SGCD: variants seen among roughly 807,000 people sequenced by gnomAD.
The protein encoded by SGCD is sarcoglycan delta.
In SGCD, 18 loss-of-function variants were observed where a neutral mutation model predicts 36.6. That is an observed-to-expected ratio of 0.49 (90% CI 0.34 to 0.73). SGCD has a LOEUF of 0.73. Ranked by LOEUF, SGCD falls within the 30% of genes least tolerant of loss-of-function variation. The pLI is 0.01. For missense variants in SGCD, 387 were observed against 346.7 expected, an observed-to-expected ratio of 1.12 and a Z score of -0.92; for synonymous variants, 133 against 130.6, an observed-to-expected ratio of 1.02 and a Z score of -0.12.
chr5:156,307,621 A>AT (rs35861842), intron 3 of SGCD, among the ~76,000 whole-genome samples: 13 of 51,104 alleles, frequency 2.5e-4, no homozygotes, highest in Non-Finnish European at 3.2e-4. Flanking sequence ...TGTTTAACTG[A>AT]TTTTTTAAAA....
the SGCD span, among the ~76,000 whole-genome samples, chr5:155,738,643 T>A: frequency 3.3e-5 from 5 of 151,258 alleles, no homozygotes; most frequent in African/African-American, 4.9e-5. Context: ...TCTGTGAGAG[T>A]GTGTGTGTGT....
rs534170763 is a variant in SGCD, at chr5:156,355,387, T to A, written c.192+10710T>A. ...ATTAACAGCCAAGATAACTACTATG[T>A]TTTTTAATCAGCTTTGTACCTTTTC... On this transcript the variant is annotated intron_variant, in intron 3 of 8. Coordinates refer to ENST00000337851, the MANE Select transcript of SGCD (RefSeq NM_000337.6). 3.9e-4 allele frequency among the ~76,000 whole-genome samples: 59 copies of A among 152,284 alleles called. 1 individual carries two copies. Among genetic ancestry groups the A allele is most frequent in the African/African-American group, 1.4e-3 (57 of 41,538 alleles).
At chr5:156,039,439 T>C (rs928757062) in intron 1 of SGCD, among the ~76,000 whole-genome samples, 3 of 147,842 alleles carry the variant, frequency 2.0e-5, no homozygotes, top group Non-Finnish European at 4.4e-5. Context: ...GCAAGCTCCT[T>C]GGGAGGTTTT....
chr5:156,461,992 T>A (rs758309176), intron 3 of SGCD, among the ~76,000 whole-genome samples: 2 of 152,186 alleles, frequency 1.3e-5, no homozygotes, highest in Non-Finnish European at 2.9e-5. Flanking sequence ...GGAAGAAGTA[T>A]GAGTGAAGGA....
chr5:155,773,153 G>T, the SGCD span, among the ~76,000 whole-genome samples: 1 of 152,070 alleles, frequency 6.6e-6, no homozygotes, highest in Non-Finnish European at 1.5e-5. Flanking sequence ...CCCTACCCTT[G>T]CTCACCTCTC....
chr5:156,736,323 A>G (rs924321827), intron 7 of SGCD, among the ~76,000 whole-genome samples: 1 of 152,228 alleles, frequency 6.6e-6, no homozygotes, highest in Non-Finnish European at 1.5e-5. Flanking sequence ...AGAAAGCCAT[A>G]GGATAAACTT....
intron 1 of SGCD, among the ~76,000 whole-genome samples, chr5:156,028,015 A>G (rs1759262991): frequency 6.6e-6 from 1 of 152,214 alleles, no homozygotes; most frequent in Non-Finnish European, 1.5e-5. Context: ...TGTGAATCCC[A>G]TTCCTAAAGG....
chr5:156,421,724 T>G (rs192302440), intron 3 of SGCD, among the ~76,000 whole-genome samples: 4 of 152,168 alleles, frequency 2.6e-5, no homozygotes, highest in African/African-American at 9.6e-5. Flanking sequence ...AAGCTCTCTG[T>G]TGGGGTCCAT....
rs1554119840 is a variant in SGCD, at chr5:156,102,815, TG to T, written c.-281-15062del. On this transcript the variant is annotated intron_variant, in intron 1 of 9. Coordinates refer to the SGCD transcript ENST00000517913. ...AATTCAATGAAAACCTATGATTGGG[TG>T]TGTGCGTATATACTTATATTGTGTG... Among the ~76,000 whole-genome samples the T allele has an allele frequency of 2.8e-4, 43 of 152,312 alleles. No homozygotes were observed. In the South Asian group the frequency reaches 7.7e-3, roughly 27 times the overall value.
At chr5:156,008,225 G>T (rs1467653624) in intron 1 of SGCD, among the ~76,000 whole-genome samples, 1 of 152,122 alleles carries the variant, frequency 6.6e-6, no homozygotes, top group Non-Finnish European at 1.5e-5. Context: ...GGGTTATGCT[G>T]CTCCTGAAAC....
At chr5:156,472,681 G>A (rs1421758329) in intron 3 of SGCD, among the ~76,000 whole-genome samples, 1 of 152,168 alleles carries the variant, frequency 6.6e-6, no homozygotes, top group Non-Finnish European at 1.5e-5. Flanking sequence ...GCCTCCCAAA[G>A]TGCTTGGATG....
At chr5:156,435,148 G>T (rs937566680) in intron 3 of SGCD, among the ~76,000 whole-genome samples, 1 of 152,180 alleles carries the variant, frequency 6.6e-6, no homozygotes, top group African/African-American at 2.4e-5. Context: ...TTCATAGACT[G>T]TAGGAATAGA....
At chr5:156,324,279 T>C (rs1205274098), upstream of SGCD, among the ~76,000 whole-genome samples, 6 of 152,198 alleles carry the variant, frequency 3.9e-5, no homozygotes, top group Middle Eastern at 3.2e-3. Context: ...TTTTCTCTAC[T>C]GGAAAGAAAT....
chr5:155,942,334 G>GTATCTATCTATCTATCTATCTATC (rs67577711), intron 1 of SGCD, among the ~76,000 whole-genome samples: 315 of 138,482 alleles, frequency 2.3e-3, no homozygotes, highest in East Asian at 0.011. Context: ...ATGTATGTAT[G>GTATCTATCTATCTATCTATCTATC]TATCTATCTA....
chr5:155,754,549 C>A, the SGCD span, among the ~76,000 whole-genome samples: 2 of 152,202 alleles, frequency 1.3e-5, no homozygotes, highest in African/African-American at 2.4e-5. Flanking sequence ...AGCAGAGTCA[C>A]AGGGAACTAT....
the SGCD span, among the ~76,000 whole-genome samples, chr5:155,740,184 G>A: frequency 1.4e-4 from 21 of 152,180 alleles, no homozygotes; most frequent in South Asian, 3.5e-3. Flanking sequence ...CTGCAACCTC[G>A]ACCTCCTGAG....
chr5:155,743,741 A>T, the SGCD span, among the ~76,000 whole-genome samples: 1 of 152,208 alleles, frequency 6.6e-6, no homozygotes, highest in Admixed American at 6.5e-5. Context: ...CTTAAAATAA[A>T]ACAAACCTTG....
At chr5:156,342,759 T>C (rs1430902527) in intron 2 of SGCD, among the ~76,000 whole-genome samples, 1 of 152,206 alleles carries the variant, frequency 6.6e-6, no homozygotes, top group Non-Finnish European at 1.5e-5. Flanking sequence ...AATTTGCAAG[T>C]ATACAAACAA....
intron 7 of SGCD, among the ~76,000 whole-genome samples, chr5:156,701,019 A>T (rs1056077005): frequency 6.6e-6 from 1 of 151,492 alleles, no homozygotes; most frequent in Non-Finnish European, 1.5e-5. Flanking sequence ...CAATCACCTC[A>T]TTTATCTGTA....
Sources: allele counts gnomAD v4.1 joint callset (sites outside exome capture counted in the v4.1 genomes callset), GRCh38; gene constraint gnomAD v4.1.1; transcripts MANE v1.5; gene names NCBI Gene and HGNC (gene_info 2026-07-23, HGNC 2026-07-21).